Variants in MS4A6A observed in about 807,000 individuals in gnomAD.
The protein encoded by MS4A6A is membrane-spanning 4-domains subfamily A member 6A.
Under a neutral mutation model 20.6 loss-of-function variants are expected in MS4A6A, and 19 were observed. The ratio of observed to expected loss-of-function variants is 0.92; its 90% CI spans 0.64 to 1.36. MS4A6A has a LOEUF of 1.36. MS4A6A is among the 40% of genes most tolerant of loss of function. MS4A6A has a pLI of 0.00. For synonymous variants in MS4A6A, 108 were observed against 105.0 expected (o/e 1.03, Z -0.17); for missense variants, 272 against 261.1 (o/e 1.04, Z -0.29).
chr11:60,179,364 CA>C lies in MS4A6A; in HGVS notation c.282+466del. ...TGCTCAGCCTTACCTGGGAATCAGTCAATGCAGTAAAAGTATTTTCAAAATG... is the reference window on the plus strand; with the variant it reads ...TGCTCAGCCTTACCTGGGAATCAGTCATGCAGTAAAAGTATTTTCAAAATG... On this transcript the variant is annotated intron_variant, in intron 3 of 5. Transcript: ENST00000528851. 1.3e-5 allele frequency: 4 copies of C among 309,610 alleles called. No homozygotes were observed. In the South Asian group the frequency reaches 1.7e-4, roughly 13 times the overall value. 19.2% of individuals were successfully genotyped at this position (309,610 alleles called of 1,614,324 possible). A position where few individuals can be genotyped will look rare whatever the true frequency, so the allele number is the denominator to read the frequency against.
In MS4A6A at chr11:60,175,409, C is replaced by A. The variant is rs763824515; in HGVS notation, c.542G>T (p.Ser181Ile). The change falls in exon 5 of 6, where the codon AGT (serine) becomes ATT (isoleucine). Residue 181 changes from serine to isoleucine, a missense_variant. Transcript: ENST00000528851. ...YTTDCYTAKA[S>I]LAGTLSLMLI... ...CCATCTAAAAATACTTACAGCCAGA[C>A]TGGCTTTGGCTGTATAGCAGTCCGT... The A allele has an allele frequency of 6.2e-7, 1 of 1,610,526 alleles. No homozygotes were observed. Among genetic ancestry groups the A allele is most frequent in the African/African-American group, 1.3e-5 (1 of 74,826 alleles).
Position 60,172,541 on chromosome 11 carries a change from C to A in MS4A6A, c.*460G>T. 1 of 1,132,484 alleles carries A rather than the reference C, an allele frequency of 8.8e-7. No homozygotes were observed. The highest frequency in any genetic ancestry group is 3.9e-4 in the Middle Eastern group (1 of 2,578). 70.2% of individuals were successfully genotyped at this position (1,132,484 alleles called of 1,614,324 possible). ...TTTAATATAGCTTTAAAAAGGCAAA[C>A]GAATTTTAAGATCACCAGGGGCAAA... On this transcript the variant is annotated 3_prime_UTR_variant, in exon 6 of 6. Transcript: ENST00000528851.
intron 1 of MS4A6A, chr11:60,182,542 A>T (rs1857185541): frequency 6.6e-6 from 1 of 152,246 alleles, no homozygotes; most frequent in Non-Finnish European, 1.5e-5. Flanking sequence ...CTGGAGAAAC[A>T]GCTGCATGCA....
In MS4A6A at chr11:60,178,276, C is replaced by A. The variant is rs1856949068; in HGVS notation, c.323G>T (p.Arg108Met). The A allele has an allele frequency of 6.2e-7, 1 of 1,613,248 alleles. No individual in the cohort carries two copies. The highest frequency in any genetic ancestry group is 8.5e-7 in the Non-Finnish European group (1 of 1,179,414). Residue 108 changes from arginine (R) to methionine (M), a missense_variant, in exon 4 of 6, where the codon AGG becomes ATG. Coordinates refer to ENST00000528851, the MANE Select transcript of MS4A6A (RefSeq NM_022349.4). ...SGSLSIATEKRLTKLLVHSSL... is the reference protein window; with the variant it reads ...SGSLSIATEKMLTKLLVHSSL... ...CTTACTCACCAAAAGCTTGGTTAACCTTTTCTCTGTGGCGATTGATAGAGA... is the reference window on the plus strand; with the variant it reads ...CTTACTCACCAAAAGCTTGGTTAACATTTTCTCTGTGGCGATTGATAGAGA...
chr11:60,182,026 G>T (rs557535369), intron 1 of MS4A6A, among the ~76,000 whole-genome samples: 1 of 152,236 alleles, frequency 6.6e-6, no homozygotes, highest in East Asian at 1.9e-4. Flanking sequence ...CACAAAATTT[G>T]CAATATGCAA....
downstream of MS4A6A, chr11:60,172,115 A>G: frequency 6.3e-7 from 1 of 1,579,708 alleles, no homozygotes; most frequent in South Asian, 1.1e-5. Flanking sequence ...TTTCCATATT[A>G]TCATAAGAAT....
downstream of MS4A6A, chr11:60,172,214 C>T: frequency 6.2e-7 from 1 of 1,613,334 alleles, no homozygotes; most frequent in Non-Finnish European, 8.5e-7. Flanking sequence ...GAGGACATGC[C>T]AGAATTACCA....
chr11:60,178,362 T>TG, intron 3 of MS4A6A, 46 bp from the exon 4 acceptor site: 2 of 1,492,536 alleles, frequency 1.3e-6, no homozygotes, highest in Non-Finnish European at 1.9e-6. Context: ...ATGTACAGAG[T>TG]ACCTTCGACG....
At chr11:60,177,984 T>C in intron 4 of MS4A6A, 1 of 386,806 alleles carries the variant, frequency 2.6e-6, no homozygotes, top group South Asian at 3.7e-5. Flanking sequence ...AAGAACCTCA[T>C]AAACAGGCAC....
chr11:60,178,290 G>A lies in MS4A6A; in HGVS notation c.309C>T (p.Ile103=), dbSNP rs202077172. The change falls in exon 4 of 6, where the codon ATC becomes ATT. Residue 103 remains isoleucine (I), a synonymous_variant. Coordinates refer to ENST00000528851, the MANE Select transcript of MS4A6A (RefSeq NM_022349.4). ...GCTTGGTTAACCTTTTCTCTGTGGCGATTGATAGAGAGCCAGAGATGATAA... is the reference window on the plus strand; with the variant it reads ...GCTTGGTTAACCTTTTCTCTGTGGCAATTGATAGAGAGCCAGAGATGATAA... ...FFFIISGSLS[I]ATEKRLTKLL... 136 of 1,613,460 alleles carry A rather than the reference G, an allele frequency of 8.4e-5. No homozygotes were observed. In the Middle Eastern group the frequency reaches 1.3e-3, roughly 16 times the overall value.
intron 3 of MS4A6A, 64 bp downstream of exon 3, chr11:60,179,767 C>A: frequency 6.3e-7 from 1 of 1,591,322 alleles, no homozygotes; most frequent in Non-Finnish European, 8.6e-7. Flanking sequence ...GGTGGGAAGT[C>A]TAAGCTATTG....
chr11:60,183,320 CA>C, upstream of MS4A6A: 1 of 726,226 alleles, frequency 1.4e-6, no homozygotes, highest in Non-Finnish European at 2.2e-6. Flanking sequence ...CTTGAAGCTT[CA>C]GTTTTCTAAT....
downstream of MS4A6A, among the ~76,000 whole-genome samples, chr11:60,171,682 T>G (rs2134749685): frequency 6.6e-6 from 1 of 152,340 alleles, no homozygotes; most frequent in African/African-American, 2.4e-5. Context: ...CTTGCCTTTA[T>G]GCACTAATGA....
upstream of MS4A6A, chr11:60,184,349 C>T (rs1026156552): frequency 3.9e-5 from 6 of 152,284 alleles, no homozygotes; most frequent in African/African-American, 1.4e-4. Context: ...TCCTCTTTCG[C>T]AGAGTGCCGT....
intron 3 of MS4A6A, 183 bp from the exon 4 acceptor site, chr11:60,178,499 G>GA (rs1045753097): frequency 0.026 from 9,607 of 370,540 alleles, 1 homozygote; most frequent in South Asian, 0.037. Flanking sequence ...GATAACATCA[G>GA]AAAAAAAAAA....
chr11:60,172,353 A>G, downstream of MS4A6A: 3 of 1,506,776 alleles, frequency 2.0e-6, no homozygotes, highest in Admixed American at 6.5e-5. Flanking sequence ...ATTCTTAGCT[A>G]ATCCAAGATA....
intron 4 of MS4A6A, among the ~76,000 whole-genome samples, chr11:60,176,800 G>T (rs533779302): frequency 6.6e-6 from 1 of 152,270 alleles, no homozygotes; most frequent in South Asian, 2.1e-4. Flanking sequence ...CTGGTGCAAT[G>T]TGTGACAAGA....
intron 4 of MS4A6A, among the ~76,000 whole-genome samples, chr11:60,176,530 A>G (rs542858470): frequency 9.9e-5 from 15 of 152,052 alleles, no homozygotes; most frequent in Non-Finnish European, 1.8e-4. Context: ...GTACTCTGAG[A>G]GCTATAGTTA....
chr11:60,179,987 T>C (rs530571432), intron 2 of MS4A6A, 22 bp from the exon 3 acceptor site: 45 of 1,608,192 alleles, frequency 2.8e-5, no homozygotes, highest in Non-Finnish European at 3.1e-5. Context: ...GAAAGTGAGA[T>C]TGAGGATGAA....
Sources: gnomAD v4.1 joint callset for allele counts (sites outside exome capture counted in the v4.1 genomes callset) on GRCh38, gnomAD v4.1.1 for gene constraint, MANE v1.5 for transcripts, NCBI Gene and HGNC (gene_info 2026-07-23, HGNC 2026-07-21) for gene names.